The following TMEM63C variants were observed in gnomAD, a reference collection of about 807,000 sequenced individuals.
TMEM63C encodes transmembrane protein 63C.
Under a neutral mutation model 99.2 loss-of-function variants are expected in TMEM63C, and 32 were observed. The ratio of observed to expected loss-of-function variants is 0.32; its 90% CI spans 0.24 to 0.43. The LOEUF (loss-of-function observed/expected upper bound fraction) is 0.43, where lower values mean the gene tolerates loss of function less well. Among genes scored for constraint, TMEM63C ranks in the 20% least tolerant of loss-of-function variants. TMEM63C has a pLI of 1.00. For missense variants in TMEM63C, 826 were observed against 1,053.0 expected, an observed-to-expected ratio of 0.78 and a Z score of 2.98; for synonymous variants, 376 against 397.9, an observed-to-expected ratio of 0.94 and a Z score of 0.66.
At chr14:77,226,640 G>A (rs1022515671) in intron 6 of TMEM63C, among the ~76,000 whole-genome samples, 1 of 152,146 alleles carries the variant, frequency 6.6e-6, no homozygotes, top group Non-Finnish European at 1.5e-5. Context: ...AGGACCGTGT[G>A]AGCCAGTTTG....
Position 77,244,356 on chromosome 14 carries a change from T to C in TMEM63C, c.1349T>C (p.Ile450Thr), listed in dbSNP as rs774901012. 22 of 1,613,600 alleles carry C rather than the reference T, an allele frequency of 1.4e-5. No homozygotes were observed. Among genetic ancestry groups the C allele is most frequent in the African/African-American group, 2.7e-5 (2 of 74,920 alleles). ...TCCCCTCTCCCCCTGCAGAACCCAATTGTGACCCAGTTCTTCCCCTCTGTG... is the reference window on the plus strand; with the variant it reads ...TCCCCTCTCCCCCTGCAGAACCCAACTGTGACCCAGTTCTTCCCCTCTGTG... ...TRPIEKLQNP[I>T]VTQFFPSVML... The change falls in exon 16 of 24, where the codon ATT becomes ACT. Residue 450 changes from isoleucine to threonine, a missense_variant. Ile to Thr is a moderately conservative substitution (Grantham distance 89). Coordinates refer to ENST00000298351, the MANE Select transcript of TMEM63C (RefSeq NM_020431.4).
intron 21 of TMEM63C, among the ~76,000 whole-genome samples, chr14:77,250,433 T>TC (rs1439706765): frequency 1.3e-4 from 18 of 143,844 alleles, no homozygotes; most frequent in African/African-American, 4.4e-4. Context: ...TTTCTTTCTT[T>TC]TTTTTTTTTT....
At chr14:77,227,435 C>G (rs536389216) in intron 6 of TMEM63C, among the ~76,000 whole-genome samples, 7 of 152,108 alleles carry the variant, frequency 4.6e-5, no homozygotes, top group African/African-American at 1.7e-4. Context: ...AGAGGAAACA[C>G]AAAATGATGA....
At chr14:77,254,139 G>T (rs1555349806) in intron 23 of TMEM63C, among the ~76,000 whole-genome samples, 1 of 152,226 alleles carries the variant, frequency 6.6e-6, no homozygotes, top group Non-Finnish European at 1.5e-5. Context: ...GTGAAGTAGG[G>T]TGTGGGGCAA....
intron 1 of TMEM63C, among the ~76,000 whole-genome samples, chr14:77,203,911 C>T (rs1367542209): frequency 6.6e-6 from 1 of 152,260 alleles, no homozygotes; most frequent in African/African-American, 2.4e-5. Flanking sequence ...CTGGAGCTGA[C>T]TCTGGGGTCA....
chr14:77,251,415 A>G (rs943844302), intron 21 of TMEM63C, among the ~76,000 whole-genome samples: 3 of 152,262 alleles, frequency 2.0e-5, no homozygotes, highest in Non-Finnish European at 4.4e-5. Context: ...GCTCACTTCA[A>G]AAGGGCTTGC....
intron 5 of TMEM63C, among the ~76,000 whole-genome samples, chr14:77,221,150 C>T (rs186727614): frequency 1.1e-3 from 3 of 2,692 alleles, no homozygotes; most frequent in Non-Finnish European, 2.1e-3. Flanking sequence ...CCACTCACGC[C>T]TCCCCTCCCA....
rs376740038 is a variant in TMEM63C at position 77,220,064 on chromosome 14, T to G, written c.289T>G (p.Leu97Val). The change falls in exon 5 of 24, where the codon TTG becomes GTG. Residue 97 changes from leucine to valine, a missense_variant. Leu to Val is a conservative substitution (Grantham distance 32). Coordinates refer to ENST00000298351, the MANE Select transcript of TMEM63C (RefSeq NM_020431.4). Reference sequence around the variant, plus strand: ...GAAGACATCTCCCTCGGAGACTTCCTTGGAGATGGAACGCAGAGACAAGGT... The same window carrying G: ...GAAGACATCTCCCTCGGAGACTTCCGTGGAGATGGAACGCAGAGACAAGGT... Reference protein sequence around the residue: ...SEKTSPSETSLEMERRDKGFC... With the variant: ...SEKTSPSETSVEMERRDKGFC... The G allele has an allele frequency of 9.8e-5, 153 of 1,559,664 alleles. No homozygotes were observed. The highest frequency in any genetic ancestry group is 1.3e-4 in the Non-Finnish European group (144 of 1,151,742).
intron 20 of TMEM63C, 99 bp from the exon 21 acceptor site, chr14:77,249,192 C>G: frequency 7.7e-7 from 1 of 1,290,716 alleles, no homozygotes. Flanking sequence ...GTGACTCTGA[C>G]AGCCGTGGAT....
At chr14:77,246,874 C>G (rs1181795285) in intron 18 of TMEM63C, among the ~76,000 whole-genome samples, 200 bp downstream of exon 18, 1 of 152,206 alleles carries the variant, frequency 6.6e-6, no homozygotes, top group Non-Finnish European at 1.5e-5. Flanking sequence ...GACCCCTTCT[C>G]AGAATGATAT....
chr14:77,256,812 C>T lies in TMEM63C; in HGVS notation c.*86C>T. 1 of 1,258,888 alleles carries T rather than the reference C, an allele frequency of 7.9e-7. No homozygotes were observed. The highest frequency in any genetic ancestry group is 1.1e-6 in the Non-Finnish European group (1 of 893,076). 78.0% of individuals were successfully genotyped at this position (1,258,888 alleles called of 1,614,324 possible). A position where few individuals can be genotyped will look rare whatever the true frequency, so the allele number is the denominator to read the frequency against. ...GAGGCAGGAGGGTGGCCTGGACCTCCCCACTACCTCCTGCAGACTTTGAGA... is the reference window on the plus strand; with the variant it reads ...GAGGCAGGAGGGTGGCCTGGACCTCTCCACTACCTCCTGCAGACTTTGAGA... On this transcript the variant is annotated 3_prime_UTR_variant, in exon 24 of 24. Transcript: ENST00000298351.
chr14:77,251,517 C>T (rs1172957729), intron 21 of TMEM63C, among the ~76,000 whole-genome samples: 1 of 152,166 alleles, frequency 6.6e-6, no homozygotes, highest in Non-Finnish European at 1.5e-5. Flanking sequence ...TTGGAGGTGA[C>T]CAGCAGGTCA....
intron 2 of TMEM63C, among the ~76,000 whole-genome samples, chr14:77,218,198 A>C: frequency 6.7e-6 from 1 of 148,390 alleles, no homozygotes; most frequent in East Asian, 2.1e-4. Context: ...GTACTCCATA[A>C]ATATATACAC....
chr14:77,239,534 A>G, intron 11 of TMEM63C, 42 bp downstream of exon 11: 1 of 1,612,310 alleles, frequency 6.2e-7, no homozygotes, highest in Non-Finnish European at 8.5e-7. Flanking sequence ...GGGTGGGGGT[A>G]AAAGGGGAGG....
intron 2 of TMEM63C, among the ~76,000 whole-genome samples, chr14:77,214,805 A>G (rs1888552221): frequency 1.3e-5 from 2 of 151,964 alleles, no homozygotes; most frequent in East Asian, 1.9e-4. Flanking sequence ...GATAGCCGGA[A>G]TCTCTTTCAT....
intron 10 of TMEM63C, 34 bp downstream of exon 10, chr14:77,238,801 G>C (rs752207745): frequency 1.3e-6 from 2 of 1,568,294 alleles, no homozygotes; most frequent in Admixed American, 3.3e-5. Flanking sequence ...GGCGTGGATT[G>C]CTTCCTCCCC....
intron 17 of TMEM63C, 63 bp downstream of exon 17, chr14:77,246,089 T>C: frequency 7.8e-7 from 1 of 1,278,602 alleles, no homozygotes; most frequent in South Asian, 1.2e-5. Context: ...AGACCTCCTC[T>C]TTCAGATACT....
chr14:77,244,017 C>T (rs1208203389), intron 15 of TMEM63C, among the ~76,000 whole-genome samples: 1 of 152,188 alleles, frequency 6.6e-6, no homozygotes, highest in East Asian at 1.9e-4. Flanking sequence ...CTCCTCCATC[C>T]TCCCCTCCTC....
chr14:77,214,315 T>G (rs1300824113), intron 2 of TMEM63C, among the ~76,000 whole-genome samples: 1 of 152,110 alleles, frequency 6.6e-6, no homozygotes, highest in Admixed American at 6.5e-5. Flanking sequence ...AGTGCCTTGC[T>G]CAAGGTCACC....
Sources: allele counts gnomAD v4.1 joint callset (sites outside exome capture counted in the v4.1 genomes callset), GRCh38; gene constraint gnomAD v4.1.1; transcripts MANE v1.5; gene names NCBI Gene and HGNC (gene_info 2026-07-23, HGNC 2026-07-21).